GABRA5: variants seen among roughly 807,000 people sequenced by gnomAD.
GABRA5 encodes the protein gamma-aminobutyric acid receptor subunit alpha-5.
In GABRA5, 18 loss-of-function variants were observed where a neutral mutation model predicts 47.3. That is an observed-to-expected ratio of 0.38 (90% CI 0.26 to 0.56). GABRA5 has a LOEUF of 0.56. GABRA5 is among the 20% of genes least tolerant of loss of function. The pLI is 0.71. For missense variants in GABRA5, 365 were observed against 599.3 expected (o/e 0.61, Z 4.08); for synonymous variants, 237 against 229.3 (o/e 1.03, Z -0.30).
intron 6 of GABRA5, among the ~76,000 whole-genome samples, chr15:26,895,201 C>G (rs903529824): frequency 6.6e-6 from 1 of 152,016 alleles, no homozygotes; most frequent in Non-Finnish European, 1.5e-5. Context: ...CCCTTCAGTC[C>G]CCCCACCTCA....
At chr15:26,944,394 C>A (rs1894462193) in intron 10 of GABRA5, among the ~76,000 whole-genome samples, 1 of 152,302 alleles carries the variant, frequency 6.6e-6, no homozygotes, top group East Asian at 1.9e-4. Flanking sequence ...AGGAGCCCCT[C>A]CCCCACTGTA....
intron 7 of GABRA5, among the ~76,000 whole-genome samples, chr15:26,935,768 C>T (rs11263708): frequency 0.42 from 63,453 of 152,042 alleles, 14,436 homozygotes; most frequent in African/African-American, 0.6. Flanking sequence ...TATATCCTCC[C>T]CCCTGCATCT....
chr15:26,936,127 C>T (rs1833200424), intron 7 of GABRA5, among the ~76,000 whole-genome samples: 1 of 152,214 alleles, frequency 6.6e-6, no homozygotes, highest in South Asian at 2.1e-4. Context: ...ATTCTCTCTT[C>T]TGCCACCCTG....
chr15:26,940,442 T>C (rs1196606548), intron 9 of GABRA5, among the ~76,000 whole-genome samples: 1 of 152,144 alleles, frequency 6.6e-6, no homozygotes, highest in Non-Finnish European at 1.5e-5. Context: ...AGATTTTTTT[T>C]AAATTTTGGA....
At chr15:26,889,975 A>C (rs1432645167) in intron 6 of GABRA5, among the ~76,000 whole-genome samples, 1 of 152,242 alleles carries the variant, frequency 6.6e-6, no homozygotes, top group African/African-American at 2.4e-5. Context: ...TTTTGTGAAT[A>C]GCTTTACAAT....
At chr15:26,902,887 T>C (rs956431327) in intron 6 of GABRA5, among the ~76,000 whole-genome samples, 23 of 152,310 alleles carry the variant, frequency 1.5e-4, no homozygotes, top group African/African-American at 5.3e-4. Context: ...TTTCTGCATC[T>C]ATTAATATGA....
chr15:26,947,830 A>G, intron 10 of GABRA5, 104 bp from the exon 11 acceptor site: 2 of 1,041,056 alleles, frequency 1.9e-6, no homozygotes, highest in South Asian at 1.7e-5. Context: ...CTCCCAGGCT[A>G]AACAGGTGTT....
chr15:26,893,432 TGGCG>T (rs1893089812), intron 6 of GABRA5, among the ~76,000 whole-genome samples: 1 of 123,610 alleles, frequency 8.1e-6, no homozygotes, highest in Non-Finnish European at 1.8e-5. Flanking sequence ...GTATGGTGTG[TGGCG>T]TGTGTGTGAC....
chr15:26,907,126 A>G (rs1893463631), intron 6 of GABRA5, among the ~76,000 whole-genome samples: 1 of 152,218 alleles, frequency 6.6e-6, no homozygotes, highest in Admixed American at 6.5e-5. Flanking sequence ...CATTAGCCTT[A>G]AAATAATTCA....
At chr15:26,903,513 T>G (rs1210655443) in intron 6 of GABRA5, among the ~76,000 whole-genome samples, 1 of 152,136 alleles carries the variant, frequency 6.6e-6, no homozygotes, top group East Asian at 1.9e-4. Flanking sequence ...TGCCTCTAGG[T>G]CTTTGAGGAG....
At chr15:26,876,932 A>C (rs534262318) in intron 3 of GABRA5, among the ~76,000 whole-genome samples, 5 of 152,270 alleles carry the variant, frequency 3.3e-5, no homozygotes, top group African/African-American at 9.6e-5. Flanking sequence ...GAAGGAGGGC[A>C]GGGTGGGAGA....
At chr15:26,871,028 T>C (rs2140241632) in intron 3 of GABRA5, among the ~76,000 whole-genome samples, 2 of 152,280 alleles carry the variant, frequency 1.3e-5, no homozygotes, top group Middle Eastern at 6.8e-3. Flanking sequence ...ACCCCATCTC[T>C]ATTAAAAATA....
chr15:26,885,812 G>A (rs1803663445), intron 6 of GABRA5, among the ~76,000 whole-genome samples: 1 of 152,166 alleles, frequency 6.6e-6, no homozygotes, highest in South Asian at 2.1e-4. Context: ...CCGAGGTGTT[G>A]GAGGATGTCT....
At position 26,881,680 on chromosome 15, in the gene GABRA5, A is replaced by C. The variant is rs115003066; in HGVS notation, c.208+713A>C. Among the ~76,000 whole-genome samples the C allele has an allele frequency of 7.7e-3, 1,167 of 152,198 alleles. 23 individuals carry two copies. Among genetic ancestry groups the C allele is most frequent in the African/African-American group, 0.027 (1,112 of 41,516 alleles). On this transcript the variant is annotated intron_variant, in intron 4 of 10. Coordinates refer to ENST00000335625, the MANE Select transcript of GABRA5 (RefSeq NM_000810.4). ...CAGTGAATACATTCTTGGAGGAAAA[A>C]ATTTAGTTGTCTAGTGTTTGCATTT...
intron 6 of GABRA5, among the ~76,000 whole-genome samples, chr15:26,893,477 T>A (rs9744485): frequency 1.1e-5 from 1 of 93,302 alleles, no homozygotes; most frequent in Non-Finnish European, 2.5e-5. Context: ...TGTGAAGTTA[T>A]GAGCAGGGCA....
At chr15:26,935,190 G>A (rs17143739) in intron 7 of GABRA5, among the ~76,000 whole-genome samples, 8,277 of 152,254 alleles carry the variant, frequency 0.054, 274 homozygotes, top group African/African-American at 0.088. Context: ...ACTTGGTGAT[G>A]TCCAGCTGAC....
chr15:26,910,410 G>T (rs1396055868), intron 6 of GABRA5, among the ~76,000 whole-genome samples: 1 of 152,108 alleles, frequency 6.6e-6, no homozygotes, highest in Non-Finnish European at 1.5e-5. Context: ...GACCAGCCTA[G>T]TCAACATGGT....
chr15:26,898,656 T>C (rs1893255160), intron 6 of GABRA5, among the ~76,000 whole-genome samples: 1 of 152,136 alleles, frequency 6.6e-6, no homozygotes, highest in African/African-American at 2.4e-5. Flanking sequence ...CAACAAGCTA[T>C]GGGCTTTCTT....
intron 3 of GABRA5, among the ~76,000 whole-genome samples, chr15:26,878,245 T>A (rs1325430731): frequency 6.6e-6 from 1 of 152,244 alleles, no homozygotes; most frequent in Non-Finnish European, 1.5e-5. Flanking sequence ...AGTTCCTCCT[T>A]AGCTTAGCAG....
Sources: gnomAD v4.1 joint callset for allele counts (sites outside exome capture counted in the v4.1 genomes callset) on GRCh38, gnomAD v4.1.1 for gene constraint, MANE v1.5 for transcripts, NCBI Gene and HGNC (gene_info 2026-07-23, HGNC 2026-07-21) for gene names.